The following QRFPR variants were observed in gnomAD, a reference collection of about 807,000 sequenced individuals.
The protein encoded by QRFPR is pyroglutamylated RFamide peptide receptor.
In QRFPR, 37 loss-of-function variants were observed where a neutral mutation model predicts 31.3. The ratio of observed to expected loss-of-function variants is 1.18; its 90% CI spans 0.91 to 1.56. The LOEUF is 1.56. Among genes scored for constraint, QRFPR ranks in the 40% most tolerant of loss-of-function variants. The probability of loss-of-function intolerance (pLI) is 0.00; values close to 1 mark genes in which losing one functional copy is unlikely to be tolerated. For missense variants in QRFPR, 542 were observed against 532.5 expected (o/e 1.02, Z -0.18); for synonymous variants, 197 against 192.0 (o/e 1.03, Z -0.22).
At chr4:121,380,172 A>T (rs925900195) in intron 1 of QRFPR, 136 bp downstream of exon 1, 1 of 622,242 alleles carries the variant, frequency 1.6e-6, no homozygotes, top group South Asian at 2.0e-5. Flanking sequence ...AGAGAGAGAC[A>T]GACAGACGAG....
intron 1 of QRFPR, among the ~76,000 whole-genome samples, chr4:121,341,899 G>C (rs1332361820): frequency 1.3e-5 from 2 of 152,138 alleles, no homozygotes; most frequent in Non-Finnish European, 2.9e-5. Context: ...GCTCTTCCCT[G>C]AGATCACTAC....
At chr4:121,331,337 C>T (rs1037982533) in intron 4 of QRFPR, among the ~76,000 whole-genome samples, 2 of 151,364 alleles carry the variant, frequency 1.3e-5, no homozygotes, top group Non-Finnish European at 2.9e-5. Flanking sequence ...GTGCATGCCA[C>T]TACACCCAGC....
intron 1 of QRFPR, among the ~76,000 whole-genome samples, chr4:121,369,025 A>G (rs1211313850): frequency 6.6e-6 from 1 of 152,104 alleles, no homozygotes; most frequent in Non-Finnish European, 1.5e-5. Flanking sequence ...CAGGTTTTTT[A>G]CTTTATTTAT....
chr4:121,358,506 A>G (rs1725912436), intron 1 of QRFPR, among the ~76,000 whole-genome samples: 1 of 152,202 alleles, frequency 6.6e-6, no homozygotes, highest in Admixed American at 6.5e-5. Context: ...TCCAACTTCC[A>G]TACATATTTT....
intron 1 of QRFPR, among the ~76,000 whole-genome samples, chr4:121,345,862 T>A (rs915891231): frequency 5.3e-5 from 8 of 152,208 alleles, no homozygotes; most frequent in African/African-American, 1.4e-4. Context: ...AACATGATGC[T>A]TGAAAATTGA....
Position 121,366,936 on chromosome 4 carries a change from G to A in QRFPR, c.340+13372C>T, listed in dbSNP as rs1018760216. On this transcript the variant is annotated intron_variant, in intron 1 of 5. Coordinates refer to ENST00000394427, the MANE Select transcript of QRFPR (RefSeq NM_198179.3). ...AGTGCCCAGGATTGCCCAGATCTCA[G>A]CAAGTCTGCACCAGCATCACAGGAA... Among the ~76,000 whole-genome samples the A allele has an allele frequency of 4.0e-5, 6 of 149,944 alleles. 1 individual carries two copies. Among genetic ancestry groups the A allele is most frequent in the Non-Finnish European group, 7.4e-5 (5 of 67,600 alleles).
At chr4:121,347,574 C>T (rs973321461) in intron 1 of QRFPR, among the ~76,000 whole-genome samples, 4 of 152,060 alleles carry the variant, frequency 2.6e-5, no homozygotes, top group African/African-American at 4.8e-5. Context: ...TCTACTTTGA[C>T]GCTTAAAGTA....
chr4:121,336,379 A>T (rs1354693172), intron 3 of QRFPR, among the ~76,000 whole-genome samples: 1 of 152,230 alleles, frequency 6.6e-6, no homozygotes, highest in Non-Finnish European at 1.5e-5. Flanking sequence ...TGTGTCAATG[A>T]ATAGGAGGCA....
chr4:121,353,794 A>G (rs1324712440), intron 1 of QRFPR, among the ~76,000 whole-genome samples: 3 of 152,080 alleles, frequency 2.0e-5, no homozygotes, highest in African/African-American at 7.2e-5. Flanking sequence ...GCCCAGATCA[A>G]TGTTCTGGAC....
intron 1 of QRFPR, among the ~76,000 whole-genome samples, chr4:121,352,104 T>G (rs1267407604): frequency 6.6e-6 from 1 of 152,182 alleles, no homozygotes; most frequent in Non-Finnish European, 1.5e-5. Flanking sequence ...GCGGTTGGAA[T>G]AAATATTTTT....
chr4:121,375,889 G>A (rs191819252), intron 1 of QRFPR, among the ~76,000 whole-genome samples: 186 of 152,316 alleles, frequency 1.2e-3, no homozygotes, highest in African/African-American at 4.4e-3. Context: ...CTGGTCACAA[G>A]CAAAATCAGT....
At position 121,328,953 on chromosome 4, in the gene QRFPR, A is replaced by T. The variant is rs188794945; in HGVS notation, c.*361T>A. ...GTATTTTTAGCAGAGATGGGGTTTC[A>T]CCGTGTTAGCCAGGATGGTTTTGAT... On this transcript the variant is annotated 3_prime_UTR_variant, in exon 6 of 6. Coordinates refer to ENST00000394427, the MANE Select transcript of QRFPR (RefSeq NM_198179.3). 5.1e-3 allele frequency: 793 copies of T among 156,468 alleles called. 3 individuals carry two copies. Among genetic ancestry groups the T allele is most frequent in the Non-Finnish European group, 6.2e-3 (442 of 71,006 alleles). 9.7% of individuals were successfully genotyped at this position (156,468 alleles called of 1,614,324 possible).
intron 2 of QRFPR, among the ~76,000 whole-genome samples, chr4:121,339,829 C>T (rs566577432): frequency 6.6e-6 from 1 of 152,112 alleles, no homozygotes; most frequent in African/African-American, 2.4e-5. Context: ...GTGGTGGGCA[C>T]ATGTGGTCCC....
At position 121,369,863 on chromosome 4, in the gene QRFPR, A is replaced by T. The variant is rs749238756; in HGVS notation, c.340+10445T>A. On this transcript the variant is annotated intron_variant, in intron 1 of 5. Transcript: ENST00000394427. Reference sequence around the variant, plus strand: ...TGCAGGTGGCCTCTCTTCTTTTGTTATCTCTCCACTCTGCAGCTTTAGTTT... The same window carrying T: ...TGCAGGTGGCCTCTCTTCTTTTGTTTTCTCTCCACTCTGCAGCTTTAGTTT... 4.7e-6 allele frequency: 4 copies of T among 853,470 alleles called. No homozygotes were observed. The African/African-American group carries it at 6.6e-5, about 14-fold the overall frequency. 52.9% of individuals were successfully genotyped at this position (853,470 alleles called of 1,614,324 possible).
chr4:121,374,424 G>GA (rs772846455), intron 1 of QRFPR, among the ~76,000 whole-genome samples: 185 of 152,252 alleles, frequency 1.2e-3, no homozygotes, highest in Non-Finnish European at 2.0e-3. Context: ...ATCAGCCTGA[G>GA]TCCTGGAGCT....
At chr4:121,369,843 G>A (rs1353184402) in intron 1 of QRFPR, 1 of 994,900 alleles carries the variant, frequency 1.0e-6, no homozygotes, top group Middle Eastern at 3.1e-4. Context: ...GCTGATGCAG[G>A]TGGCCTCTCT....
intron 3 of QRFPR, 60 bp downstream of exon 3, chr4:121,336,747 A>C: frequency 7.5e-7 from 1 of 1,331,838 alleles, no homozygotes; most frequent in Non-Finnish European, 1.1e-6. Context: ...AAATAATTAC[A>C]ATTAAGAGGG....
rs750502793 is a variant in QRFPR, at chr4:121,330,438, T to A, written c.883A>T (p.Met295Leu). 6.2e-7 allele frequency: 1 copy of A among 1,608,968 alleles called. No individual in the cohort carries two copies. The highest frequency in any genetic ancestry group is 1.7e-5 in the Admixed American group (1 of 59,986). Reference protein sequence around the residue: ...CWAPFHVVHMMIEYSNFEKEY... With the variant: ...CWAPFHVVHMLIEYSNFEKEY... ...GACAAGCACTCACTGTATTCAATCA[T>A]CATATGGACAACATGGAATGGTGCC... The change falls in exon 5 of 6, where the codon ATG becomes TTG. Residue 295 changes from methionine to leucine, a missense_variant. Met to Leu is a conservative substitution (Grantham distance 15, BLOSUM62 2). Transcript: ENST00000394427.
chr4:121,353,994 C>A (rs1302060834), intron 1 of QRFPR, among the ~76,000 whole-genome samples: 1 of 151,982 alleles, frequency 6.6e-6, no homozygotes, highest in East Asian at 1.9e-4. Context: ...GTTCTTGGTA[C>A]CTTTGTCAAA....
Sources: allele counts gnomAD v4.1 joint callset (sites outside exome capture counted in the v4.1 genomes callset), GRCh38; gene constraint gnomAD v4.1.1; transcripts MANE v1.5; gene names NCBI Gene and HGNC (gene_info 2026-07-23, HGNC 2026-07-21).